Variants in EHD2 observed in about 807,000 individuals in gnomAD.
EHD2 encodes EH domain-containing protein 2.
In EHD2, 27 loss-of-function variants were observed where a neutral mutation model predicts 41.0. That is an observed-to-expected ratio of 0.66 (90% CI 0.49 to 0.91). The LOEUF (loss-of-function observed/expected upper bound fraction) is 0.91, where lower values mean the gene tolerates loss of function less well. Ranked by LOEUF, EHD2 falls within the 40% of genes least tolerant of loss-of-function variation. The pLI is 0.00. For missense variants in EHD2, 673 were observed against 773.9 expected (o/e 0.87, Z 1.55); for synonymous variants, 342 against 341.0 (o/e 1.00, Z -0.03).
chr19:47,726,980 C>T (rs2123647023), intron 4 of EHD2, among the ~76,000 whole-genome samples: 1 of 152,132 alleles, frequency 6.6e-6, no homozygotes, highest in Admixed American at 6.6e-5. Flanking sequence ...AATTTTTGAA[C>T]TTCCTATAAA....
At chr19:47,730,924 A>G (rs1046182350) in intron 4 of EHD2, among the ~76,000 whole-genome samples, 1 of 152,094 alleles carries the variant, frequency 6.6e-6, no homozygotes, top group Non-Finnish European at 1.5e-5. Flanking sequence ...TCCTTTTCTC[A>G]TAGAATTACT....
intron 5 of EHD2, among the ~76,000 whole-genome samples, chr19:47,738,599 G>A (rs568708812): frequency 1.1e-3 from 169 of 152,326 alleles, no homozygotes; most frequent in African/African-American, 3.5e-3. Context: ...ACTGCGCCCG[G>A]CCTGTATTTC....
chr19:47,731,027 G>A (rs1000242446), intron 4 of EHD2, among the ~76,000 whole-genome samples: 5 of 151,564 alleles, frequency 3.3e-5, no homozygotes, highest in East Asian at 3.9e-4. Context: ...ATTTTAGAGC[G>A]CTCTGAAGGA....
intron 4 of EHD2, among the ~76,000 whole-genome samples, chr19:47,733,781 T>C (rs1457960289): frequency 7.4e-5 from 5 of 67,706 alleles, no homozygotes; most frequent in African/African-American, 1.8e-4. Flanking sequence ...AAAAATCCAC[T>C]GTCCATTTGG....
intron 3 of EHD2, among the ~76,000 whole-genome samples, chr19:47,722,853 C>T (rs1251504923): frequency 6.6e-6 from 1 of 152,142 alleles, no homozygotes; most frequent in Non-Finnish European, 1.5e-5. Flanking sequence ...CAGGCGTGAG[C>T]CACCACGCCT....
intron 4 of EHD2, among the ~76,000 whole-genome samples, chr19:47,734,571 G>C (rs1966902085): frequency 6.6e-6 from 1 of 151,876 alleles, no homozygotes; most frequent in African/African-American, 2.4e-5. Context: ...GGCCAACATG[G>C]TGAAAACCCC....
chr19:47,738,575 T>C (rs1472209630), intron 5 of EHD2, among the ~76,000 whole-genome samples: 3 of 152,240 alleles, frequency 2.0e-5, no homozygotes, highest in Non-Finnish European at 4.4e-5. Flanking sequence ...GTGCTGGGAT[T>C]GCAGGCATGA....
chr19:47,733,722 A>T (rs2123654791), intron 4 of EHD2, among the ~76,000 whole-genome samples: 1 of 133,030 alleles, frequency 7.5e-6, no homozygotes, highest in Non-Finnish European at 1.5e-5. Flanking sequence ...ACTGCACTCC[A>T]GTCTGGGTGA....
intron 4 of EHD2, among the ~76,000 whole-genome samples, chr19:47,736,141 A>T (rs990541860): frequency 6.6e-6 from 1 of 152,230 alleles, no homozygotes; most frequent in Non-Finnish European, 1.5e-5. Context: ...GGTTGCAGTG[A>T]GCCGAGATTG....
At chr19:47,733,750 T>TAAAAAAAAAAAAA (rs1281352634) in intron 4 of EHD2, among the ~76,000 whole-genome samples, 1 of 9,224 alleles carries the variant, frequency 1.1e-4, no homozygotes, top group Admixed American at 1.4e-3. Flanking sequence ...AGACTCTGTC[T>TAAAAAAAAAAAAA]CAAAAAAAAA....
chr19:47,726,138 G>A lies in EHD2; in HGVS notation c.829G>A (p.Asp277Asn), dbSNP rs969536924. Residue 277 changes from aspartate to asparagine, a missense_variant, in exon 4 of 6, where the codon GAC (aspartate) becomes AAC (asparagine). Physicochemically the swap from Asp to Asn is conservative, Grantham distance 23 (BLOSUM62 1). Coordinates refer to ENST00000263277, the MANE Select transcript of EHD2 (RefSeq NM_014601.4). ...GCGCCTCTTCGAGCTGGAGGAGCAG[G>A]ACCTCTTCCGCGACATCCAGGGCCT... ...NRRLFELEEQ[D>N]LFRDIQGLPR... 1.3e-6 allele frequency: 2 copies of A among 1,581,384 alleles called. No homozygotes were observed. The highest frequency in any genetic ancestry group is 1.7e-6 in the Non-Finnish European group (2 of 1,164,764).
rs760203223 is a variant in EHD2, at chr19:47,716,681, G to A, written c.69G>A (p.Ser23=). The part of the protein sequence containing the change: ...QQPEAIRTVT[S]ALKELYRTKL... ...CCGAGGCCATCCGCACGGTGACCTC[G>A]GCCCTCAAGGAGCTGTACCGCACGA... The change falls in exon 2 of 6, where the codon TCG becomes TCA. Residue 23 remains serine, a synonymous_variant. Coordinates refer to ENST00000263277, the MANE Select transcript of EHD2 (RefSeq NM_014601.4). The A allele has an allele frequency of 4.4e-6, 7 of 1,606,448 alleles. No individual in the cohort carries two copies. The highest frequency in any genetic ancestry group is 2.2e-5 in the East Asian group (1 of 44,714).
rs1031654163 is a variant in EHD2 at position 47,719,514 on chromosome 19, C to T, written c.502+908C>T. Among the ~76,000 whole-genome samples, 1 of 152,132 alleles carries T rather than the reference C, an allele frequency of 6.6e-6. No homozygotes were observed. The highest frequency in any genetic ancestry group is 1.5e-5 in the Non-Finnish European group (1 of 67,992). On this transcript the variant is annotated intron_variant, in intron 3 of 5. Coordinates refer to ENST00000263277, the MANE Select transcript of EHD2 (RefSeq NM_014601.4). This position sits in a 1 kb window ranked among gnomAD's most constrained non-coding sequence, Gnocchi z 4.1. ...AGCCCAGCTCAGCATCTGTGGTCCC[C>T]CAGCCCCACAGATCTGTGTCCCCCA...
Position 47,725,851 on chromosome 19 carries a change from G to T in EHD2, c.542G>T (p.Arg181Leu). Residue 181 changes from arginine (R) to leucine (L), a missense_variant, in exon 4 of 6, where the codon CGC becomes CTC. Physicochemically the swap from Arg to Leu is moderately radical, Grantham distance 102. Transcript: ENST00000263277. ...FPAVLRWFAERVDLIILLFDA... is the reference protein window; with the variant it reads ...FPAVLRWFAELVDLIILLFDA... Reference sequence around the variant, plus strand: ...GCCGTGCTGCGCTGGTTCGCGGAGCGCGTGGACCTCATCATCCTGCTCTTT... The same window carrying T: ...GCCGTGCTGCGCTGGTTCGCGGAGCTCGTGGACCTCATCATCCTGCTCTTT... 1 of 1,608,768 alleles carries T rather than the reference G, an allele frequency of 6.2e-7. No individual in the cohort carries two copies. The highest frequency in any genetic ancestry group is 8.5e-7 in the Non-Finnish European group (1 of 1,175,902).
intron 4 of EHD2, among the ~76,000 whole-genome samples, chr19:47,727,054 G>T (rs1256962356): frequency 6.6e-6 from 1 of 152,068 alleles, no homozygotes; most frequent in Non-Finnish European, 1.5e-5. Context: ...TAAGATTGTG[G>T]TTCAAAGGTT....
chr19:47,736,299 C>T (rs1434625251), intron 4 of EHD2, 70 bp from the exon 5 acceptor site: 6 of 1,462,892 alleles, frequency 4.1e-6, no homozygotes, highest in South Asian at 1.3e-5. Context: ...GGAGTGGGGC[C>T]TGCAGCCTGT....
rs1030303401 is a variant in EHD2 at position 47,715,941 on chromosome 19, G to C, written c.-55-617G>C. Among the ~76,000 whole-genome samples the C allele has an allele frequency of 3.3e-5, 5 of 151,672 alleles. No homozygotes were observed. In the Admixed American group the frequency reaches 3.3e-4, roughly 10 times the overall value. On this transcript the variant is annotated intron_variant, in intron 1 of 5. Coordinates refer to ENST00000263277, the MANE Select transcript of EHD2 (RefSeq NM_014601.4). ...CACCACCAGGCCTGGCTAATTTTTT[G>C]TATGTTTAGTAGAGACAGGATTGCA...
intron 5 of EHD2, 70 bp downstream of exon 5, chr19:47,736,603 TG>T: frequency 6.7e-7 from 1 of 1,492,498 alleles, no homozygotes; most frequent in South Asian, 1.4e-5. Context: ...AGCTCTGAGA[TG>T]GGACCTCAAA....
At chr19:47,726,338 A>C in intron 4 of EHD2, 114 bp downstream of exon 4, 1 of 1,303,124 alleles carries the variant, frequency 7.7e-7, no homozygotes, top group Non-Finnish European at 1.0e-6. Flanking sequence ...GTTCTCTTGA[A>C]GTTGGGTCAT....
Sources: allele counts gnomAD v4.1 joint callset (sites outside exome capture counted in the v4.1 genomes callset), GRCh38; gene constraint gnomAD v4.1.1; non-coding constraint Gnocchi (gnomAD v3.1); transcripts MANE v1.5; gene names NCBI Gene and HGNC (gene_info 2026-07-23, HGNC 2026-07-21).